Variants in CTTNBP2 observed in about 807,000 individuals in gnomAD.
CTTNBP2 encodes cortactin binding protein 2.
In CTTNBP2, 108 loss-of-function variants were observed where a neutral mutation model predicts 156.9. That is an observed-to-expected ratio of 0.69 (90% CI 0.59 to 0.81). The LOEUF (loss-of-function observed/expected upper bound fraction) is 0.81, where lower values mean the gene tolerates loss of function less well. Ranked by LOEUF, CTTNBP2 falls within the 30% of genes least tolerant of loss-of-function variation. CTTNBP2 has a pLI of 0.00. For missense variants in CTTNBP2, 1,924 were observed against 2,035.4 expected (o/e 0.95, Z 1.05); for synonymous variants, 767 against 751.8 (o/e 1.02, Z -0.33).
intron 16 of CTTNBP2, among the ~76,000 whole-genome samples, chr7:117,728,810 T>C (rs1226779149): frequency 2.0e-5 from 3 of 152,246 alleles, no homozygotes; most frequent in Non-Finnish European, 4.4e-5. Context: ...AAAAATAGGA[T>C]ACAGCATCTC....
chr7:117,724,765 C>CA (rs1794995073), intron 18 of CTTNBP2, 33 bp from the exon 19 acceptor site: 1 of 1,606,136 alleles, frequency 6.2e-7, no homozygotes, highest in Non-Finnish European at 8.5e-7. Flanking sequence ...AGGGATAATG[C>CA]AGTTTCACTG....
At chr7:117,765,013 G>A (rs1410077400) in intron 9 of CTTNBP2, among the ~76,000 whole-genome samples, 1 of 152,138 alleles carries the variant, frequency 6.6e-6, no homozygotes, top group African/African-American at 2.4e-5. Flanking sequence ...TTGGCTCACT[G>A]CAACCTCTGC....
At chr7:117,851,157 A>G (rs1381096836) in intron 2 of CTTNBP2, among the ~76,000 whole-genome samples, 1 of 152,082 alleles carries the variant, frequency 6.6e-6, no homozygotes, top group African/African-American at 2.4e-5. Context: ...AGTCCCAGTT[A>G]CTTGGGAGGC....
At chr7:117,842,825 T>C (rs1584531916) in intron 2 of CTTNBP2, among the ~76,000 whole-genome samples, 1 of 152,248 alleles carries the variant, frequency 6.6e-6, no homozygotes, top group Admixed American at 6.5e-5. Context: ...AAGGAAAATT[T>C]GGAGTCAATC....
At chr7:117,840,188 T>C (rs1195340606) in intron 2 of CTTNBP2, among the ~76,000 whole-genome samples, 7 of 152,158 alleles carry the variant, frequency 4.6e-5, no homozygotes, top group East Asian at 1.9e-4. Flanking sequence ...TTTTGAATCA[T>C]TGCTAGTTCC....
At chr7:117,761,907 T>C (rs1562981936) in intron 9 of CTTNBP2, among the ~76,000 whole-genome samples, 1 of 152,216 alleles carries the variant, frequency 6.6e-6, no homozygotes, top group Non-Finnish European at 1.5e-5. Flanking sequence ...CTTCTTAAAC[T>C]TAGATTTTTC....
chr7:117,769,951 A>T (rs893080975), intron 8 of CTTNBP2, among the ~76,000 whole-genome samples: 6 of 152,176 alleles, frequency 3.9e-5, no homozygotes, highest in African/African-American at 1.4e-4. Flanking sequence ...CTCTATCTGT[A>T]TTTCAAGTAT....
rs530761648 is a variant in CTTNBP2, at chr7:117,838,780, G to A, written c.189+22429C>T. On this transcript the variant is annotated intron_variant, in intron 2 of 22. Transcript: ENST00000160373. ...GCATATAAAATACTGAAAGAAACCC[G>A]CACTAAAATAAAGATTTCAGGATTT... Among the ~76,000 whole-genome samples the A allele has an allele frequency of 3.9e-5, 6 of 151,918 alleles. No individual in the cohort carries two copies. In the South Asian group the frequency reaches 6.2e-4, roughly 16 times the overall value.
At chr7:117,826,663 C>G (rs1360642598) in intron 2 of CTTNBP2, among the ~76,000 whole-genome samples, 1 of 151,916 alleles carries the variant, frequency 6.6e-6, no homozygotes, top group Non-Finnish European at 1.5e-5. Flanking sequence ...TATCATAAAA[C>G]TTATCAACAC....
intron 4 of CTTNBP2, among the ~76,000 whole-genome samples, chr7:117,784,838 T>C (rs1037629527): frequency 1.3e-5 from 2 of 152,232 alleles, no homozygotes; most frequent in Non-Finnish European, 2.9e-5. Flanking sequence ...GGTAAAGTTT[T>C]CCTCTAATTC....
chr7:117,730,713 C>A (rs561703630), intron 16 of CTTNBP2, among the ~76,000 whole-genome samples: 50 of 152,116 alleles, frequency 3.3e-4, no homozygotes, highest in African/African-American at 1.2e-3. Flanking sequence ...GGCCAGATCA[C>A]AAGTCCTCAA....
intron 8 of CTTNBP2, among the ~76,000 whole-genome samples, chr7:117,772,007 C>T (rs547650869): frequency 2.6e-5 from 4 of 152,268 alleles, no homozygotes; most frequent in African/African-American, 4.8e-5. Context: ...AAGCCTAACA[C>T]GCACTAAGGA....
intron 12 of CTTNBP2, among the ~76,000 whole-genome samples, chr7:117,750,531 G>A (rs919282591): frequency 1.3e-5 from 2 of 151,912 alleles, no homozygotes; most frequent in Non-Finnish European, 2.9e-5. Context: ...TCATTCGTAG[G>A]TTTCTCTCCA....
At chr7:117,831,661 A>C (rs1364782504) in intron 2 of CTTNBP2, among the ~76,000 whole-genome samples, 1 of 141,264 alleles carries the variant, frequency 7.1e-6, no homozygotes, top group East Asian at 2.3e-4. Context: ...AAGACTTGAC[A>C]GTTTCAATGG....
At position 117,848,157 on chromosome 7, in the gene CTTNBP2, T is replaced by C. The variant is rs139180945; in HGVS notation, c.189+13052A>G. ...GAATACTTGTTCAGTCTAGAAAACA[T>C]GTACATAAAATGATTAAATAAGGAA... On this transcript the variant is annotated intron_variant, in intron 2 of 22. Transcript: ENST00000160373. Among the ~76,000 whole-genome samples the C allele has an allele frequency of 1.8e-3, 273 of 152,184 alleles. 1 individual carries two copies. Among genetic ancestry groups the C allele is most frequent in the African/African-American group, 6.3e-3 (263 of 41,514 alleles).
intron 16 of CTTNBP2, among the ~76,000 whole-genome samples, chr7:117,733,590 T>C (rs1484388479): frequency 1.3e-5 from 2 of 152,234 alleles, no homozygotes; most frequent in African/African-American, 4.8e-5. Context: ...TTCGTCCTTC[T>C]TGTTGAGATC....
At chr7:117,772,204 C>T (rs1160619692) in intron 8 of CTTNBP2, among the ~76,000 whole-genome samples, 1 of 152,086 alleles carries the variant, frequency 6.6e-6, no homozygotes, top group African/African-American at 2.4e-5. Context: ...GCAGAGAGAC[C>T]GAACATGATG....
rs754730832 is a variant in CTTNBP2 at position 117,735,366 on chromosome 7, T to G, written c.3591A>C (p.Leu1197Phe). The G allele has an allele frequency of 5.0e-6, 8 of 1,613,328 alleles. No individual in the cohort carries two copies. In the South Asian group the frequency reaches 8.8e-5, roughly 18 times the overall value. ...SPSKKKIIII[L>F]ENLEKSSLSE... is the part of the protein sequence containing the mutation. ...ACAGTGAAGATTTTTCTAAATTTTC[T>G]AAAATGATGATGATTTTCTTCTTAC... Residue 1197 changes from leucine to phenylalanine, a missense_variant, in exon 15 of 23, where the codon TTA becomes TTC. Coordinates refer to ENST00000160373, the MANE Select transcript of CTTNBP2 (RefSeq NM_033427.3).
At chr7:117,818,436 A>C (rs3944003) in intron 2 of CTTNBP2, among the ~76,000 whole-genome samples, 128,114 of 152,166 alleles carry the variant, frequency 0.84, 54,458 homozygotes, top group African/African-American at 0.95. Context: ...ATGTTGAGTC[A>C]ACTCTGACAA....
Sources: allele counts gnomAD v4.1 joint callset (sites outside exome capture counted in the v4.1 genomes callset), GRCh38; gene constraint gnomAD v4.1.1; transcripts MANE v1.5; gene names NCBI Gene and HGNC (gene_info 2026-07-23, HGNC 2026-07-21).